Variants in TPTE2 observed in about 807,000 individuals in gnomAD.
The protein encoded by TPTE2 is phosphatidylinositol 3,4,5-trisphosphate 3-phosphatase TPTE2.
In TPTE2, 53 loss-of-function variants were observed where a neutral mutation model predicts 78.6. The ratio of observed to expected loss-of-function variants is 0.67; its 90% confidence interval spans 0.54 to 0.85. TPTE2 has a LOEUF of 0.85. TPTE2 is among the 40% of genes least tolerant of loss of function. The pLI is 0.00. For missense variants in TPTE2, 461 were observed against 623.0 expected (o/e 0.74, Z 2.77); for synonymous variants, 175 against 206.2 (o/e 0.85, Z 1.30).
At chr13:19,497,741 G>A (rs1193810391) in intron 1 of TPTE2, among the ~76,000 whole-genome samples, 98 of 151,452 alleles carry the variant, frequency 6.5e-4, no homozygotes, top group African/African-American at 1.5e-3. Flanking sequence ...AAAGCAGAGC[G>A]CCTCTCCTCC....
chr13:19,449,498 A>C (rs1439525309), intron 13 of TPTE2, among the ~76,000 whole-genome samples: 1 of 152,172 alleles, frequency 6.6e-6, no homozygotes, highest in Non-Finnish European at 1.5e-5. Flanking sequence ...AAGTTCAGGA[A>C]ATTTATTGTA....
chr13:19,450,869 A>G (rs1396864982), intron 11 of TPTE2, among the ~76,000 whole-genome samples: 1 of 152,164 alleles, frequency 6.6e-6, no homozygotes, highest in Non-Finnish European at 1.5e-5. Flanking sequence ...TCTGGCAGGA[A>G]AAACAGAAAG....
At chr13:19,442,209 TA>T (rs1877543273) in intron 13 of TPTE2, among the ~76,000 whole-genome samples, 1 of 151,132 alleles carries the variant, frequency 6.6e-6, no homozygotes, top group East Asian at 1.9e-4. Context: ...TTCAAAGAAC[TA>T]AAAAAGAAAA....
At chr13:19,560,776 G>T in the TPTE2 span, 1 of 1,468,250 alleles carries the variant, frequency 6.8e-7, no homozygotes, top group Non-Finnish European at 9.3e-7. Flanking sequence ...GAAGGGCAGC[G>T]GGTCCACCTC....
intron 6 of TPTE2, among the ~76,000 whole-genome samples, chr13:19,468,017 C>G (rs1244103807): frequency 8.2e-6 from 1 of 121,574 alleles, no homozygotes; most frequent in Non-Finnish European, 1.7e-5. Flanking sequence ...TTCCAAATGA[C>G]AGGATCTCTT....
At chr13:19,539,750 A>C (rs910318622), upstream of TPTE2, among the ~76,000 whole-genome samples, 6 of 151,722 alleles carry the variant, frequency 4.0e-5, no homozygotes, top group Non-Finnish European at 7.4e-5. Flanking sequence ...AATTAGGGCA[A>C]CTCCCTCACC....
At chr13:19,560,724 G>T in the TPTE2 span, 2 of 1,480,138 alleles carry the variant, frequency 1.4e-6, no homozygotes, top group Non-Finnish European at 1.9e-6. Context: ...TCGTCTGGGG[G>T]CCTCCAGCGA....
At chr13:19,425,138 T>C (rs2137452963) in intron 18 of TPTE2, 121 bp from the exon 22 acceptor site, 2 of 524,140 alleles carry the variant, frequency 3.8e-6, no homozygotes, top group Middle Eastern at 5.1e-4. Context: ...ATTAAATAGG[T>C]AGCACTCTGC....
chr13:19,439,449 G>C (rs1393649729), intron 13 of TPTE2, among the ~76,000 whole-genome samples: 1 of 151,858 alleles, frequency 6.6e-6, no homozygotes, highest in Non-Finnish European at 1.5e-5. Context: ...TTATAGGAAA[G>C]GAAAGAAAAA....
intron 4 of TPTE2, among the ~76,000 whole-genome samples, chr13:19,479,723 G>A (rs111280288): frequency 0.016 from 2,487 of 152,148 alleles, 33 homozygotes; most frequent in Non-Finnish European, 0.024. Flanking sequence ...CAGCACTTTG[G>A]GTGGCCAAGG....
intron 10 of TPTE2, among the ~76,000 whole-genome samples, chr13:19,463,661 C>T (rs1281318514): frequency 6.6e-6 from 1 of 151,872 alleles, no homozygotes; most frequent in Admixed American, 6.6e-5. Flanking sequence ...CAATAGTTGT[C>T]TCCTATAGTG....
rs191745300 is a variant in TPTE2 at position 19,536,081 on chromosome 13, G to A, written c.-44+515C>T. 4.2e-3 allele frequency among the ~76,000 whole-genome samples: 645 copies of A among 152,194 alleles called. 6 individuals are homozygous for A. The highest frequency in any genetic ancestry group is 0.026 in the South Asian group (127 of 4,830). On this transcript the variant is annotated intron_variant, in intron 1 of 17. Transcript: ENST00000390680. ...TATAACGAATGCCAACCTTAAAAGA[G>A]GGATTCCCTATTTGATTGTCTCAGT...
chr13:19,454,357 T>C (rs1878401505), intron 10 of TPTE2, among the ~76,000 whole-genome samples: 1 of 152,166 alleles, frequency 6.6e-6, no homozygotes, highest in Non-Finnish European at 1.5e-5. Flanking sequence ...TCAACCTTGA[T>C]TTAATATACT....
intron 3 of TPTE2, among the ~76,000 whole-genome samples, chr13:19,483,097 C>A (rs938539187): frequency 1.8e-4 from 27 of 152,322 alleles, no homozygotes; most frequent in African/African-American, 6.5e-4. Flanking sequence ...ATCACCTAAG[C>A]CTTTAGCAAG....
At chr13:19,498,275 T>G (rs986729271) in intron 1 of TPTE2, among the ~76,000 whole-genome samples, 1 of 151,448 alleles carries the variant, frequency 6.6e-6, no homozygotes, top group Non-Finnish European at 1.5e-5. Context: ...AGGCCAACGT[T>G]CAGATTCAGG....
intron 10 of TPTE2, among the ~76,000 whole-genome samples, chr13:19,454,577 A>G (rs1353689056): frequency 6.6e-6 from 1 of 152,140 alleles, no homozygotes; most frequent in African/African-American, 2.4e-5. Context: ...GTGGTTTATG[A>G]TTTGTGGAAT....
At chr13:19,541,378 C>A (rs1419633810), upstream of TPTE2, among the ~76,000 whole-genome samples, 1 of 152,216 alleles carries the variant, frequency 6.6e-6, no homozygotes, top group Non-Finnish European at 1.5e-5. Flanking sequence ...GTCTCATCCA[C>A]ACTCAAAGAG....
chr13:19,518,649 A>G (rs937893682), intron 1 of TPTE2, among the ~76,000 whole-genome samples: 5 of 152,246 alleles, frequency 3.3e-5, no homozygotes, highest in African/African-American at 1.2e-4. Context: ...AATGCCAGGA[A>G]TGTAAAGTGC....
At chr13:19,553,519 AAATGTGGGTTGT>A in the TPTE2 span, among the ~76,000 whole-genome samples, 6 of 152,200 alleles carry the variant, frequency 3.9e-5, no homozygotes, top group African/African-American at 1.4e-4. Flanking sequence ...TGTAATAGCC[AAATGTGGGTTGT>A]AATCTGGGAA....
Sources: gnomAD v4.1 joint callset for allele counts (sites outside exome capture counted in the v4.1 genomes callset) on GRCh38, gnomAD v4.1.1 for gene constraint, MANE v1.5 for transcripts, NCBI Gene and HGNC (gene_info 2026-07-23, HGNC 2026-07-21) for gene names.